The following AFG1L variants were observed in gnomAD, a reference collection of about 807,000 sequenced individuals.
The protein encoded by AFG1L is AFG1-like ATPase.
In AFG1L, 53 loss-of-function variants were observed where a neutral mutation model predicts 62.2. The ratio of observed to expected loss-of-function variants is 0.85; its 90% CI spans 0.68 to 1.07. AFG1L has a LOEUF of 1.07. Among genes scored for constraint, AFG1L ranks in the 50% least tolerant of loss-of-function variants. The pLI, the probability that AFG1L is intolerant of heterozygous loss-of-function variation, is 0.00. For missense variants in AFG1L, 555 were observed against 590.5 expected (o/e 0.94, Z 0.62); for synonymous variants, 228 against 210.3 (o/e 1.08, Z -0.73).
chr6:108,341,508 TC>T (rs1778681616), intron 2 of AFG1L, among the ~76,000 whole-genome samples: 1 of 152,160 alleles, frequency 6.6e-6, no homozygotes, highest in Non-Finnish European at 1.5e-5. Flanking sequence ...ATGGGGAACT[TC>T]CCTGTGCTGG....
chr6:108,323,976 C>G lies in AFG1L; in HGVS notation c.291C>G (p.Val97=). 3 of 1,614,146 alleles carry G rather than the reference C, an allele frequency of 1.9e-6. No individual in the cohort carries two copies. In the South Asian group the frequency reaches 3.3e-5, roughly 18 times the overall value. ...ELKDDEHQRR[V]IQCLQKLHED... is the part of the protein sequence containing the mutation. ...AGGATGATGAACATCAAAGAAGAGT[C>G]ATACAGTGTTTGCAGAAATTACACG... Residue 97 remains valine, a synonymous_variant, in exon 2 of 13, where the codon GTC becomes GTG. Transcript: ENST00000368977.
intron 7 of AFG1L, among the ~76,000 whole-genome samples, chr6:108,420,125 G>A (rs1476994522): frequency 1.3e-5 from 2 of 152,196 alleles, no homozygotes; most frequent in Admixed American, 6.5e-5. Flanking sequence ...CCTCTACTGC[G>A]TTGTCACCTG....
At chr6:108,390,780 G>A (rs983455201) in intron 6 of AFG1L, among the ~76,000 whole-genome samples, 1 of 152,212 alleles carries the variant, frequency 6.6e-6, no homozygotes, top group Non-Finnish European at 1.5e-5. Flanking sequence ...ACCCTGCTGG[G>A]GGGTGCCTCC....
intron 1 of AFG1L, 88 bp downstream of exon 1, chr6:108,295,306 G>C (rs1776722991): frequency 6.9e-7 from 1 of 1,443,996 alleles, no homozygotes; most frequent in African/African-American, 1.4e-5. Flanking sequence ...ATCTACCCCA[G>C]GTGTCTCCTG....
rs933769404 is a variant in AFG1L at position 108,525,671 on chromosome 6, G to A, written c.*3246G>A. 3.9e-5 allele frequency: 6 copies of A among 152,162 alleles called. No homozygotes were observed. Among genetic ancestry groups the A allele is most frequent in the Non-Finnish European group, 8.8e-5 (6 of 68,034 alleles). 9.4% of individuals were successfully genotyped at this position (152,162 alleles called of 1,614,324 possible). On this transcript the variant is annotated 3_prime_UTR_variant, in exon 13 of 13. Coordinates refer to ENST00000368977, the MANE Select transcript of AFG1L (RefSeq NM_145315.5). ...TCCATATAACAGTCTTATGAGATAG[G>A]TGCCATTATAATCATTTTATAGACA...
At chr6:108,307,627 A>G (rs1374299489) in intron 1 of AFG1L, among the ~76,000 whole-genome samples, 11 of 152,186 alleles carry the variant, frequency 7.2e-5, no homozygotes, top group Admixed American at 7.2e-4. Context: ...CCAGGCCTAT[A>G]TAGTACTGCT....
intron 8 of AFG1L, among the ~76,000 whole-genome samples, chr6:108,452,572 G>A (rs777489791): frequency 5.9e-5 from 9 of 152,138 alleles, no homozygotes; most frequent in Non-Finnish European, 8.8e-5. Context: ...AAGGGATGGG[G>A]GCAGGCATTG....
In AFG1L at chr6:108,440,643, A is replaced by G. The variant is rs1771504326; in HGVS notation, c.808-6571A>G. 2.1e-5 allele frequency among the ~76,000 whole-genome samples: 3 copies of G among 144,518 alleles called. No homozygotes were observed. The Admixed American group carries it at 2.1e-4, about 10-fold the overall frequency. The allele number at this position is 144,518 out of a possible 152,430, so 94.8% of individuals were successfully genotyped here. On this transcript the variant is annotated intron_variant, in intron 7 of 12. Transcript: ENST00000368977. ...AGACCAGCCTGGCCAACATGGTGAA[A>G]CCCCGTCTCTACTAAAAAATACAAA...
At chr6:108,399,789 T>TC in intron 6 of AFG1L, among the ~76,000 whole-genome samples, 1 of 137,032 alleles carries the variant, frequency 7.3e-6, no homozygotes, top group Admixed American at 7.2e-5. Context: ...TTTTTTTTTT[T>TC]TTTTTTTGAG....
At chr6:108,470,252 A>C (rs977912795) in intron 8 of AFG1L, among the ~76,000 whole-genome samples, 10 of 152,234 alleles carry the variant, frequency 6.6e-5, no homozygotes, top group Admixed American at 5.9e-4. Context: ...ATAAGTCGTC[A>C]TCCTCTTCTT....
At chr6:108,303,571 A>C (rs920350170) in intron 1 of AFG1L, among the ~76,000 whole-genome samples, 2 of 152,054 alleles carry the variant, frequency 1.3e-5, no homozygotes, top group Non-Finnish European at 2.9e-5. Context: ...TCTTTTTACC[A>C]TCCTGCTTAT....
chr6:108,425,214 G>T (rs1436007564), intron 7 of AFG1L, among the ~76,000 whole-genome samples: 2 of 152,168 alleles, frequency 1.3e-5, no homozygotes, highest in African/African-American at 4.8e-5. Flanking sequence ...ATGTCACTGT[G>T]TGTAGAAGGC....
At position 108,323,942 on chromosome 6, in the gene AFG1L, A is replaced by T. The variant is rs754819837; in HGVS notation, c.257A>T (p.His86Leu). ...CACTATGATTTTCTGATCAAAGCTC[A>T]TGAGCTAAAGGATGATGAACATCAA... ...LDHYDFLIKA[H>L]ELKDDEHQRR... is the part of the protein sequence containing the mutation. Residue 86 changes from histidine (H) to leucine (L), a missense_variant, in exon 2 of 13, where the codon CAT becomes CTT. Transcript: ENST00000368977. 2 of 1,614,182 alleles carry T rather than the reference A, an allele frequency of 1.2e-6. No homozygotes were observed. The highest frequency in any genetic ancestry group is 2.2e-5 in the South Asian group (2 of 91,088).
At chr6:108,502,567 T>C (rs1774249788) in intron 10 of AFG1L, among the ~76,000 whole-genome samples, 1 of 152,040 alleles carries the variant, frequency 6.6e-6, no homozygotes, top group Non-Finnish European at 1.5e-5. Flanking sequence ...CTTGAACTCC[T>C]GACCTCAAGT....
At chr6:108,374,606 A>G (rs535486746) in intron 6 of AFG1L, among the ~76,000 whole-genome samples, 4 of 151,990 alleles carry the variant, frequency 2.6e-5, no homozygotes, top group Non-Finnish European at 2.9e-5. Context: ...CCCATTGCTT[A>G]TTTTTGTCAA....
At chr6:108,439,938 G>A (rs2114732659) in intron 7 of AFG1L, among the ~76,000 whole-genome samples, 1 of 152,154 alleles carries the variant, frequency 6.6e-6, no homozygotes, top group African/African-American at 2.4e-5. Context: ...AAGCTTTTCT[G>A]TATTTAAGTG....
At chr6:108,417,106 T>C (rs1339530793) in intron 7 of AFG1L, among the ~76,000 whole-genome samples, 1 of 151,498 alleles carries the variant, frequency 6.6e-6, no homozygotes, top group Non-Finnish European at 1.5e-5. Context: ...TGGTGGTGCA[T>C]GCCTGTGGTC....
intron 1 of AFG1L, among the ~76,000 whole-genome samples, chr6:108,305,016 A>G (rs1247245812): frequency 6.6e-6 from 1 of 152,242 alleles, no homozygotes; most frequent in Non-Finnish European, 1.5e-5. Context: ...CAGGTAATTT[A>G]TGAGACTCAA....
chr6:108,515,373 A>G (rs1245373301), intron 11 of AFG1L, among the ~76,000 whole-genome samples: 8 of 152,242 alleles, frequency 5.3e-5, no homozygotes, highest in Non-Finnish European at 1.2e-4. Flanking sequence ...CTACATGGAA[A>G]CTGAACAGCC....
Sources: gnomAD v4.1 joint callset for allele counts (sites outside exome capture counted in the v4.1 genomes callset) on GRCh38, gnomAD v4.1.1 for gene constraint, MANE v1.5 for transcripts, NCBI Gene and HGNC (gene_info 2026-07-23, HGNC 2026-07-21) for gene names.